PTGS1: variants seen among roughly 807,000 people sequenced by gnomAD.
The protein encoded by PTGS1 is prostaglandin-endoperoxide synthase 1, also known as prostaglandin G/H synthase 1.
In PTGS1, 40 loss-of-function variants were observed where a neutral mutation model predicts 63.0. That is an observed-to-expected ratio of 0.63 (90% CI 0.49 to 0.83). The LOEUF (loss-of-function observed/expected upper bound fraction) is 0.83. PTGS1 is among the 40% of genes least tolerant of loss of function. The pLI, the probability that PTGS1 is intolerant of heterozygous loss-of-function variation, is 0.00. For missense variants in PTGS1, 709 were observed against 786.5 expected (o/e 0.90, Z 1.18); for synonymous variants, 298 against 301.9 (o/e 0.99, Z 0.13).
In PTGS1 at chr9:122,392,211, G is replaced by T; in HGVS notation, c.1467G>T (p.Glu489Asp). 1.9e-6 allele frequency: 3 copies of T among 1,596,180 alleles called. No individual in the cohort carries two copies. Among genetic ancestry groups the T allele is most frequent in the Non-Finnish European group, 2.6e-6 (3 of 1,166,570 alleles). Residue 489 changes from glutamate (E) to aspartate (D), a missense_variant, in exon 11 of 11, where the codon GAG becomes GAT. Physicochemically the swap from Glu to Asp is conservative, Grantham distance 45. Transcript: ENST00000362012. The part of the protein sequence containing the change: ...ELVGEKEMAA[E>D]LEELYGDIDA... ...TAGGAGAGAAGGAGATGGCAGCAGA[G>T]TTGGAGGAATTGTATGGAGACATTG...
intron 2 of PTGS1, among the ~76,000 whole-genome samples, chr9:122,376,435 C>G (rs1276819086): frequency 6.6e-6 from 1 of 150,976 alleles, no homozygotes; most frequent in Non-Finnish European, 1.5e-5. Flanking sequence ...CAAGAGGACT[C>G]TGCTGCCCAG....
chr9:122,391,720 C>T (rs560416988), intron 10 of PTGS1, among the ~76,000 whole-genome samples: 15 of 151,934 alleles, frequency 9.9e-5, no homozygotes, highest in African/African-American at 2.2e-4. Context: ...AAATGGTCCC[C>T]GGGGGCAGAA....
chr9:122,371,750 G>C, intron 2 of PTGS1: 1 of 1,530,470 alleles, frequency 6.5e-7, no homozygotes. Context: ...GGAGAACATG[G>C]GAGATGGAAA....
At position 122,383,585 on chromosome 9, in the gene PTGS1, C is replaced by A. The variant is rs201651122; in HGVS notation, c.839C>A (p.Pro280His). 3 of 1,614,176 alleles carry A rather than the reference C, an allele frequency of 1.9e-6. No individual in the cohort carries two copies. The South Asian group carries it at 3.3e-5, about 18-fold the overall frequency. Residue 280 changes from proline (P) to histidine (H), a missense_variant, in exon 8 of 11, where the codon CCC becomes CAC. Transcript: ENST00000362012. ...ATGCACTACCCCCGAGGCATCCCGC[C>A]CCAGAGCCAGATGGCTGTGGGCCAG... is the stretch of plus-strand genomic sequence containing the variant. ...VLMHYPRGIP[P>H]QSQMAVGQEV...
intron 5 of PTGS1, 62 bp downstream of exon 5, chr9:122,378,980 G>A: frequency 6.3e-7 from 1 of 1,587,948 alleles, no homozygotes; most frequent in Non-Finnish European, 8.6e-7. Flanking sequence ...TTCTCTTTGG[G>A]AAAAATCAGG....
chr9:122,371,652 G>T, intron 2 of PTGS1: 1 of 1,436,828 alleles, frequency 7.0e-7, no homozygotes, highest in South Asian at 1.5e-5. Flanking sequence ...CAAGGGAAAT[G>T]AGTTCCCTTT....
At chr9:122,383,184 T>C (rs1005225743) in intron 7 of PTGS1, among the ~76,000 whole-genome samples, 8 of 151,142 alleles carry the variant, frequency 5.3e-5, no homozygotes, top group African/African-American at 2.0e-4. Context: ...TTTGTTGTTT[T>C]TTTTTTTTTA....
chr9:122,381,482 A>G lies in PTGS1; in HGVS notation c.608A>G (p.His203Arg). 1.2e-6 allele frequency: 2 copies of G among 1,614,142 alleles called. No homozygotes were observed. The highest frequency in any genetic ancestry group is 1.7e-6 in the Non-Finnish European group (2 of 1,180,020). ...CTCATGTTTGCCTTCTTTGCACAACACTTCACCCACCAGTTCTTCAAAACT... is the reference window on the plus strand; with the variant it reads ...CTCATGTTTGCCTTCTTTGCACAACGCTTCACCCACCAGTTCTTCAAAACT... Reference protein sequence around the residue: ...TNLMFAFFAQHFTHQFFKTSG... With the variant: ...TNLMFAFFAQRFTHQFFKTSG... The change falls in exon 6 of 11, where the codon CAC becomes CGC. Residue 203 changes from histidine (H) to arginine (R), a missense_variant. Transcript: ENST00000362012.
chr9:122,388,283 C>T (rs1211500693), intron 9 of PTGS1, among the ~76,000 whole-genome samples: 1 of 151,926 alleles, frequency 6.6e-6, no homozygotes, highest in Non-Finnish European at 1.5e-5. Context: ...TGGGCTCAAG[C>T]GATCTGCCCG....
intron 7 of PTGS1, among the ~76,000 whole-genome samples, 181 bp downstream of exon 7, chr9:122,381,928 G>C (rs1025664699): frequency 6.6e-6 from 1 of 152,208 alleles, no homozygotes; most frequent in Non-Finnish European, 1.5e-5. Context: ...AGCCAGGGAG[G>C]AGCAGACGTG....
At position 122,394,192 on chromosome 9, in the gene PTGS1, T is replaced by A. The variant is rs1300943934; in HGVS notation, c.*1648T>A. The A allele has an allele frequency of 1.3e-5, 2 of 152,308 alleles. No individual in the cohort carries two copies. Among genetic ancestry groups the A allele is most frequent in the African/African-American group, 4.8e-5 (2 of 41,442 alleles). The allele number at this position is 152,308 out of a possible 1,614,324, so 9.4% of individuals were successfully genotyped here. On this transcript the variant is annotated 3_prime_UTR_variant, in exon 11 of 11. Coordinates refer to ENST00000362012, the MANE Select transcript of PTGS1 (RefSeq NM_000962.4). ...CTCCACTCCAGCTCTGAGACCCTTTTCTCAGGACCTCTGTAGGCAGCAGAG... is the reference window on the plus strand; with the variant it reads ...CTCCACTCCAGCTCTGAGACCCTTTACTCAGGACCTCTGTAGGCAGCAGAG...
In PTGS1 at chr9:122,386,530, T is replaced by C; in HGVS notation, c.1094T>C (p.Leu365Pro). Reference protein sequence around the residue: ...FLQLKFDPELLFGVQFQYRNR... With the variant: ...FLQLKFDPELPFGVQFQYRNR... ...CAGCTGAAATTTGACCCAGAGCTGC[T>C]GTTCGGTGTCCAGTTCCAATACCGC... Residue 365 changes from leucine (L) to proline (P), a missense_variant, in exon 9 of 11, where the codon CTG becomes CCG. Physicochemically the swap from Leu to Pro is moderately conservative, Grantham distance 98. Coordinates refer to ENST00000362012, the MANE Select transcript of PTGS1 (RefSeq NM_000962.4). 6.2e-7 allele frequency: 1 copy of C among 1,614,236 alleles called. No homozygotes were observed. The highest frequency in any genetic ancestry group is 8.5e-7 in the Non-Finnish European group (1 of 1,180,050).
rs748279359 is a variant in PTGS1, at chr9:122,371,078, C to A, written c.-7C>A. ...CACTCTGCGTCCCGCACCCCAGCAG[C>A]CGCGCCATGAGCCGTGAGTGCGACC... On this transcript the variant is annotated 5_prime_UTR_variant, in exon 1 of 11. Coordinates refer to ENST00000362012, the MANE Select transcript of PTGS1 (RefSeq NM_000962.4). The A allele has an allele frequency of 2.2e-5, 35 of 1,597,996 alleles. No individual in the cohort carries two copies. The highest frequency in any genetic ancestry group is 2.9e-5 in the Non-Finnish European group (34 of 1,178,264).
chr9:122,375,340 C>T, intron 2 of PTGS1: 2 of 985,502 alleles, frequency 2.0e-6, no homozygotes, highest in East Asian at 1.1e-4. Flanking sequence ...GCTCTTCTGC[C>T]TGCCGAGGCA....
rs534219078 is a variant in PTGS1, at chr9:122,376,015, G to A, written c.95-1884G>A. Among the ~76,000 whole-genome samples, 3 of 152,244 alleles carry A rather than the reference G, an allele frequency of 2.0e-5. No individual in the cohort carries two copies. In the East Asian group the frequency reaches 5.8e-4, roughly 30 times the overall value. ...GGCTCCTGGGCAGGTGAGAGAGCCA[G>A]GCCAGCAGGAGGGGCAAGAAGAAGA... On this transcript the variant is annotated intron_variant, in intron 2 of 10. Coordinates refer to ENST00000362012, the MANE Select transcript of PTGS1 (RefSeq NM_000962.4).
chr9:122,392,215 G>A lies in PTGS1; in HGVS notation c.1471G>A (p.Glu491Lys). ...VGEKEMAAEL[E>K]ELYGDIDALE... ...AGAGAAGGAGATGGCAGCAGAGTTG[G>A]AGGAATTGTATGGAGACATTGATGC... is the stretch of plus-strand genomic sequence containing the variant. The change falls in exon 11 of 11, where the codon GAG becomes AAG. Residue 491 changes from glutamate (E) to lysine (K), a missense_variant. Coordinates refer to ENST00000362012, the MANE Select transcript of PTGS1 (RefSeq NM_000962.4). 3.1e-6 allele frequency: 5 copies of A among 1,597,412 alleles called. No individual in the cohort carries two copies. Among genetic ancestry groups the A allele is most frequent in the Non-Finnish European group, 4.3e-6 (5 of 1,167,200 alleles).
At position 122,378,755 on chromosome 9, in the gene PTGS1, G is replaced by A. The variant is rs201017264; in HGVS notation, c.353-20G>A. The stretch of plus-strand genomic sequence containing the variant: ...TGGGGGTGGAAACACCCTTGTCACC[G>A]TTATTTTTGCTCTCTGCAGTGCGCT... On this transcript the variant is annotated intron_variant, in intron 4 of 10. Coordinates refer to ENST00000362012, the MANE Select transcript of PTGS1 (RefSeq NM_000962.4). 68 of 1,613,462 alleles carry A rather than the reference G, an allele frequency of 4.2e-5. No homozygotes were observed. Among genetic ancestry groups the A allele is most frequent in the South Asian group, 1.2e-4 (11 of 91,054 alleles).
At chr9:122,386,784 G>C (rs772759391) in intron 9 of PTGS1, 52 bp downstream of exon 9, 1 of 1,586,966 alleles carries the variant, frequency 6.3e-7, no homozygotes, top group East Asian at 2.2e-5. Flanking sequence ...GGATCCAGCA[G>C]ACCTGGGTCC....
chr9:122,378,302 T>C (rs753655407), intron 3 of PTGS1, 131 bp from the exon 4 acceptor site: 2 of 1,311,236 alleles, frequency 1.5e-6, no homozygotes, highest in Non-Finnish European at 2.1e-6. Context: ...CAAGGTTCCA[T>C]CCTTACCCAC....
Sources: gnomAD v4.1 joint callset for allele counts (sites outside exome capture counted in the v4.1 genomes callset) on GRCh38, gnomAD v4.1.1 for gene constraint, MANE v1.5 for transcripts, NCBI Gene and HGNC (gene_info 2026-07-23, HGNC 2026-07-21) for gene names.